Variants in CPAMD8 observed in about 807,000 individuals in gnomAD.
CPAMD8 encodes the protein C3 and PZP-like alpha-2-macroglobulin domain-containing protein 8.
CPAMD8 carries 146 observed loss-of-function variants against 224.7 expected under a neutral mutation model. The ratio of observed to expected loss-of-function variants is 0.65; its 90% confidence interval spans 0.57 to 0.75. The LOEUF is 0.75. Ranked by LOEUF, CPAMD8 falls within the 30% of genes least tolerant of loss-of-function variation. The pLI is 0.00. For synonymous variants in CPAMD8, 966 were observed against 1,044.6 expected (o/e 0.92, Z 1.45); for missense variants, 2,301 against 2,537.5 (o/e 0.91, Z 2.00).
At chr19:16,913,409 G>T (rs1190976868) in intron 29 of CPAMD8, among the ~76,000 whole-genome samples, 1 of 152,038 alleles carries the variant, frequency 6.6e-6, no homozygotes, top group Non-Finnish European at 1.5e-5. Context: ...TGAAGAGGAA[G>T]AGCACTAGAG....
chr19:16,910,163 G>C (rs2052671428), intron 29 of CPAMD8, among the ~76,000 whole-genome samples: 1 of 150,528 alleles, frequency 6.6e-6, no homozygotes, highest in South Asian at 2.1e-4. Context: ...CCAATGACAA[G>C]AACCTTTAAC....
chr19:16,927,654 C>G (rs1243150403), intron 25 of CPAMD8, among the ~76,000 whole-genome samples: 7 of 152,174 alleles, frequency 4.6e-5, no homozygotes, highest in African/African-American at 1.7e-4. Flanking sequence ...TTTGTGTTTT[C>G]TTGGATCTTG....
At chr19:16,942,202 C>T (rs148166468) in intron 22 of CPAMD8, among the ~76,000 whole-genome samples, 197 of 152,276 alleles carry the variant, frequency 1.3e-3, no homozygotes, top group African/African-American at 4.3e-3. Context: ...TGGCTCATGC[C>T]TGTAATCCCA....
Position 16,897,926 on chromosome 19 carries a change from C to T in CPAMD8, c.4917G>A (p.Ser1639=). ...ALRECVVGRT[S]ALPVSVYDYY... ...AGTCGTACACGGAGACTGGCAGCGC[C>T]GACGTCCTGCCCACCACGCACTCCC... The change falls in exon 38 of 42, where the codon TCG becomes TCA. Residue 1639 remains serine, a synonymous_variant. Coordinates refer to ENST00000443236, the MANE Select transcript of CPAMD8 (RefSeq NM_015692.5). 6.2e-7 allele frequency: 1 copy of T among 1,610,764 alleles called. No homozygotes were observed. Among genetic ancestry groups the T allele is most frequent in the South Asian group, 1.1e-5 (1 of 90,920 alleles).
intron 30 of CPAMD8, among the ~76,000 whole-genome samples, chr19:16,905,385 G>A (rs891317776): frequency 6.6e-6 from 1 of 151,570 alleles, no homozygotes; most frequent in African/African-American, 2.4e-5. Context: ...TTCGAGACCA[G>A]CCTGACTAAC....
intron 13 of CPAMD8, 124 bp from the exon 14 acceptor site, chr19:16,980,810 C>G: frequency 1.6e-6 from 1 of 617,542 alleles, no homozygotes; most frequent in Non-Finnish European, 2.7e-6. Flanking sequence ...TGCCCAGCAT[C>G]CAGTCCTGGC....
intron 20 of CPAMD8, among the ~76,000 whole-genome samples, chr19:16,950,614 T>G (rs1236075075): frequency 1.3e-5 from 2 of 151,596 alleles, no homozygotes; most frequent in African/African-American, 4.8e-5. Flanking sequence ...CATATGGAGA[T>G]GCCATCTCTA....
intron 5 of CPAMD8, among the ~76,000 whole-genome samples, chr19:17,011,055 G>A (rs1469458153): frequency 3.3e-5 from 5 of 151,890 alleles, no homozygotes; most frequent in African/African-American, 4.8e-5. Context: ...TCAGCCGGGC[G>A]TGGTGGTGGG....
rs377619150 is a variant in CPAMD8, at chr19:17,011,200, GA to G, written c.486+263del. Among the ~76,000 whole-genome samples, 425 of 146,576 alleles carry G rather than the reference GA, an allele frequency of 2.9e-3. 2 individuals carry two copies. Among genetic ancestry groups the G allele is most frequent in the Non-Finnish European group, 2.5e-3 (168 of 66,166 alleles). ...ATAGAGCGAGAGACTCGGTCTTGGG[GA>G]AAAAAAAAAAATTAAGCAACAGTCC... On this transcript the variant is annotated intron_variant, in intron 5 of 41. Transcript: ENST00000443236.
chr19:17,003,091 T>C (rs923048883), intron 8 of CPAMD8, among the ~76,000 whole-genome samples: 2 of 151,520 alleles, frequency 1.3e-5, no homozygotes, highest in Non-Finnish European at 2.9e-5. Flanking sequence ...TTAGTAGAGA[T>C]GGGGTTTCAC....
chr19:16,968,625 T>TA (rs1555779520), intron 18 of CPAMD8, among the ~76,000 whole-genome samples: 1 of 151,854 alleles, frequency 6.6e-6, no homozygotes, highest in African/African-American at 2.4e-5. Flanking sequence ...GCTTAAGTGT[T>TA]TTTATTTATT....
In CPAMD8 at chr19:16,975,242, T is replaced by G; in HGVS notation, c.1925A>C (p.Glu642Ala). ...AAAGGAATCAGAAACATCATAATCTTCCAGTTCCTGGAAAACCTGCAGGCA... is the reference window on the plus strand; with the variant it reads ...AAAGGAATCAGAAACATCATAATCTGCCAGTTCCTGGAAAACCTGCAGGCA... ...LTPAQVFQEL[E>A]DYDVSDSFGV... Residue 642 changes from glutamate to alanine, a missense_variant, in exon 17 of 42, where the codon GAA becomes GCA. By Grantham distance (107) the Glu-to-Ala change is moderately radical (BLOSUM62 -1). Transcript: ENST00000443236. 1 of 1,605,208 alleles carries G rather than the reference T, an allele frequency of 6.2e-7. No homozygotes were observed. Among genetic ancestry groups the G allele is most frequent in the Non-Finnish European group, 8.5e-7 (1 of 1,175,530 alleles).
At chr19:16,931,947 T>C (rs541409380) in intron 23 of CPAMD8, among the ~76,000 whole-genome samples, 1 of 152,168 alleles carries the variant, frequency 6.6e-6, no homozygotes, top group East Asian at 1.9e-4. Flanking sequence ...TCTTCCTCTA[T>C]GAAAGCAAAT....
intron 18 of CPAMD8, among the ~76,000 whole-genome samples, chr19:16,958,133 C>CT (rs942052759): frequency 7.2e-5 from 11 of 152,028 alleles, no homozygotes; most frequent in African/African-American, 2.7e-4. Context: ...TTTTTAAAAA[C>CT]TTTATTTTAG....
chr19:16,936,476 C>T (rs370620873), intron 23 of CPAMD8, among the ~76,000 whole-genome samples: 1 of 152,104 alleles, frequency 6.6e-6, no homozygotes, highest in Admixed American at 6.5e-5. Flanking sequence ...AATCTTGGCT[C>T]ACTGCAACCT....
intron 29 of CPAMD8, among the ~76,000 whole-genome samples, chr19:16,908,416 C>G (rs1469572846): frequency 1.3e-5 from 2 of 152,014 alleles, no homozygotes; most frequent in Admixed American, 6.6e-5. Flanking sequence ...CCTCCACAGC[C>G]CAGGCCCTCC....
rs201903852 is a variant in CPAMD8, at chr19:16,904,355, C to T, written c.4122G>A (p.Ser1374=). 1.7e-5 allele frequency: 28 copies of T among 1,613,850 alleles called. No homozygotes were observed. The highest frequency in any genetic ancestry group is 1.6e-4 in the Middle Eastern group (1 of 6,084). Residue 1374 remains serine (S), a synonymous_variant, in exon 32 of 42, where the codon TCG becomes TCA. Coordinates refer to ENST00000443236, the MANE Select transcript of CPAMD8 (RefSeq NM_015692.5). ...CGTAGGCTGTCATTTCCACCTCGGC[C>T]GAGACCACTGCAATGGAAGAGGCCC... ...FSDRVSQSVV[S]AEVEMTAYAL...
chr19:16,902,694 T>C lies in CPAMD8; in HGVS notation c.4640A>G (p.Asp1547Gly), dbSNP rs763527750. The change falls in exon 35 of 42, where the codon GAT becomes GGT. Residue 1547 changes from aspartate to glycine, a missense_variant. Transcript: ENST00000443236. ...PPADDDDPAADQHHQEYKVML... is the reference protein window; with the variant it reads ...PPADDDDPAAGQHHQEYKVML... The stretch of plus-strand genomic sequence containing the variant: ...CACCTTGTATTCCTGGTGATGCTGA[T>C]CGGCCGCTGGGTCATCATCGTCAGC... 1 of 1,606,120 alleles carries C rather than the reference T, an allele frequency of 6.2e-7. No individual in the cohort carries two copies. The highest frequency in any genetic ancestry group is 1.1e-5 in the South Asian group (1 of 90,442).
intron 14 of CPAMD8, among the ~76,000 whole-genome samples, chr19:16,979,162 CCCACTAT>C (rs1461717506): frequency 6.6e-6 from 1 of 150,888 alleles, no homozygotes; most frequent in African/African-American, 2.4e-5. Flanking sequence ...CACCCATCCA[CCCACTAT>C]CCATCCATCC....
Sources: allele counts gnomAD v4.1 joint callset (sites outside exome capture counted in the v4.1 genomes callset), GRCh38; gene constraint gnomAD v4.1.1; transcripts MANE v1.5; gene names NCBI Gene and HGNC (gene_info 2026-07-23, HGNC 2026-07-21).